The following NRXN1 variants were observed in gnomAD, a reference collection of about 807,000 sequenced individuals.
The protein encoded by NRXN1 is neurexin-1.
NRXN1 carries 39 observed loss-of-function variants against 150.9 expected under a neutral mutation model. The ratio of observed to expected loss-of-function variants is 0.26; its 90% CI spans 0.20 to 0.34. NRXN1 has a LOEUF of 0.34. NRXN1 is among the 10% of genes least tolerant of loss of function. The pLI, the probability that NRXN1 is intolerant of heterozygous loss-of-function variation, is 1.00. For missense variants in NRXN1, 1,815 were observed against 1,949.9 expected, an observed-to-expected ratio of 0.93 and a Z score of 1.30; for synonymous variants, 924 against 757.0, an observed-to-expected ratio of 1.22 and a Z score of -3.62.
At chr2:50,217,682 C>T (rs2063499491) in intron 18 of NRXN1, among the ~76,000 whole-genome samples, 1 of 152,116 alleles carries the variant, frequency 6.6e-6, no homozygotes, top group Non-Finnish European at 1.5e-5. Flanking sequence ...AGTCTGTCAA[C>T]AGAACGCCTG....
rs986529148 is a variant in NRXN1, at chr2:50,466,656, A to G, written c.3245-1095T>C. ...TTAATACTAACAGCCATAAATCTTAAGAGAAGCCAAAAATGAGAAAGCAGA... is the reference window on the plus strand; with the variant it reads ...TTAATACTAACAGCCATAAATCTTAGGAGAAGCCAAAAATGAGAAAGCAGA... On this transcript the variant is annotated intron_variant, in intron 16 of 22. Transcript: ENST00000401669. 5.4e-4 allele frequency among the ~76,000 whole-genome samples: 82 copies of G among 151,688 alleles called. 1 individual carries two copies. The highest frequency in any genetic ancestry group is 7.4e-5 in the Non-Finnish European group (5 of 67,760).
Position 50,962,728 on chromosome 2 carries a change from T to C in NRXN1, c.773-36773A>G, listed in dbSNP as rs552151716. Among the ~76,000 whole-genome samples the C allele has an allele frequency of 2.0e-5, 3 of 151,786 alleles. No homozygotes were observed. In the South Asian group the frequency reaches 6.2e-4, roughly 31 times the overall value. On this transcript the variant is annotated intron_variant, in intron 2 of 22. Transcript: ENST00000401669. ...TTTGAGTTTTCATGAATGTTGATTATAAAAACAAATTAAGCTTCACCAAGA... is the reference window on the plus strand; with the variant it reads ...TTTGAGTTTTCATGAATGTTGATTACAAAAACAAATTAAGCTTCACCAAGA...
chr2:50,156,346 G>C (rs1161159497), intron 18 of NRXN1, among the ~76,000 whole-genome samples: 1 of 151,782 alleles, frequency 6.6e-6, no homozygotes, highest in Non-Finnish European at 1.5e-5. Flanking sequence ...AAAGGGCAAA[G>C]GTCTCAGCAC....
intron 2 of NRXN1, among the ~76,000 whole-genome samples, chr2:50,926,756 T>C (rs1417947327): frequency 1.3e-5 from 2 of 151,916 alleles, no homozygotes; most frequent in Non-Finnish European, 2.9e-5. Context: ...CAATTTCTCT[T>C]ATATTTCTAT....
intron 19 of NRXN1, among the ~76,000 whole-genome samples, chr2:50,055,654 A>T (rs1248588078): frequency 6.6e-6 from 1 of 152,208 alleles, no homozygotes; most frequent in Non-Finnish European, 1.5e-5. Context: ...ATCACAAGAG[A>T]ATGCATCTTG....
intron 18 of NRXN1, among the ~76,000 whole-genome samples, chr2:50,154,725 T>C (rs559472237): frequency 6.3e-4 from 95 of 151,866 alleles, no homozygotes; most frequent in Non-Finnish European, 7.8e-4. Context: ...ATTCTGCAGA[T>C]ATAATTTGCC....
intron 2 of NRXN1, among the ~76,000 whole-genome samples, chr2:50,978,688 T>C (rs1696306849): frequency 6.6e-6 from 1 of 152,042 alleles, no homozygotes; most frequent in South Asian, 2.1e-4. Context: ...AATGTGGGTT[T>C]TTAAAATATC....
chr2:49,997,648 G>T (rs555413200), intron 21 of NRXN1, among the ~76,000 whole-genome samples: 1 of 152,108 alleles, frequency 6.6e-6, no homozygotes, highest in Non-Finnish European at 1.5e-5. Context: ...GAAGCTTATT[G>T]TCTCCTTGCC....
At chr2:50,632,307 G>T (rs1341776662) in intron 5 of NRXN1, 1 of 151,986 alleles carries the variant, frequency 6.6e-6, no homozygotes, top group Non-Finnish European at 1.5e-5. Flanking sequence ...CATCTTGTAA[G>T]CTGTTCTAAA....
chr2:50,628,071 G>A lies in NRXN1; in HGVS notation c.833-4456C>T, dbSNP rs541598300. Among the ~76,000 whole-genome samples the A allele has an allele frequency of 6.6e-5, 10 of 151,966 alleles. No homozygotes were observed. The East Asian group carries it at 1.7e-3, about 26-fold the overall frequency. ...ATTATAAAGTTTTGGAGCTTGAAGAGTTTTGGTCCAGTAAGAAGGCTGTAG... is the reference window on the plus strand; with the variant it reads ...ATTATAAAGTTTTGGAGCTTGAAGAATTTTGGTCCAGTAAGAAGGCTGTAG... On this transcript the variant is annotated intron_variant, in intron 5 of 22. Transcript: ENST00000401669.
chr2:50,260,153 T>G (rs2068103493), intron 17 of NRXN1, among the ~76,000 whole-genome samples: 1 of 151,850 alleles, frequency 6.6e-6, no homozygotes, highest in Non-Finnish European at 1.5e-5. Flanking sequence ...CCACTACTTT[T>G]ATCTATGAGA....
intron 18 of NRXN1, among the ~76,000 whole-genome samples, chr2:50,110,709 T>C (rs887405078): frequency 2.6e-5 from 4 of 152,116 alleles, no homozygotes. Flanking sequence ...CTTTTTGTCT[T>C]TTTTCTCCAT....
chr2:50,790,430 C>A (rs918025486), intron 5 of NRXN1, among the ~76,000 whole-genome samples: 1 of 152,144 alleles, frequency 6.6e-6, no homozygotes, highest in African/African-American at 2.4e-5. Context: ...CCACTCACTC[C>A]TCTCTACATA....
At chr2:50,324,670 T>C (rs1484307196) in intron 17 of NRXN1, among the ~76,000 whole-genome samples, 1 of 152,178 alleles carries the variant, frequency 6.6e-6, no homozygotes, top group Non-Finnish European at 1.5e-5. Context: ...GCCTCCCGAG[T>C]AGCTGGGACT....
chr2:50,724,175 C>T (rs1269655365), intron 5 of NRXN1, among the ~76,000 whole-genome samples: 1 of 151,910 alleles, frequency 6.6e-6, no homozygotes, highest in African/African-American at 2.4e-5. Flanking sequence ...TTAAGTCAAG[C>T]TGTCTCCTGG....
In NRXN1 at chr2:50,578,367, T is replaced by C. The variant is rs371330386; in HGVS notation, c.1321-25342A>G. On this transcript the variant is annotated intron_variant, in intron 8 of 22. Coordinates refer to ENST00000401669, the MANE Select transcript of NRXN1 (RefSeq NM_001330078.2). ...GATAGGGGTACTTAGGAGGATTCTT[T>C]TGAAGCTGCATTTGTACAGCAAGCC... Among the ~76,000 whole-genome samples, 56 of 152,302 alleles carry C rather than the reference T, an allele frequency of 3.7e-4. 1 individual carries two copies. Among genetic ancestry groups the C allele is most frequent in the African/African-American group, 1.2e-3 (49 of 41,582 alleles).
intron 18 of NRXN1, among the ~76,000 whole-genome samples, chr2:50,106,037 T>A (rs1701594198): frequency 6.6e-6 from 1 of 151,954 alleles, no homozygotes; most frequent in Admixed American, 6.6e-5. Flanking sequence ...AATGTTAATG[T>A]TAATCTTGTT....
chr2:50,862,202 CA>C (rs370954338), intron 5 of NRXN1, among the ~76,000 whole-genome samples: 3,544 of 76,266 alleles, frequency 0.046, 53 homozygotes, highest in Admixed American at 0.12. Flanking sequence ...GATTCCATCT[CA>C]AAAAAAAAAA....
At chr2:50,099,995 C>A (rs192909627) in intron 18 of NRXN1, among the ~76,000 whole-genome samples, 1 of 151,968 alleles carries the variant, frequency 6.6e-6, no homozygotes, top group Non-Finnish European at 1.5e-5. Context: ...GCAGTTCTCA[C>A]GGAAAAAATT....
Sources: allele counts gnomAD v4.1 joint callset (sites outside exome capture counted in the v4.1 genomes callset), GRCh38; gene constraint gnomAD v4.1.1; transcripts MANE v1.5; gene names NCBI Gene and HGNC (gene_info 2026-07-23, HGNC 2026-07-21).